Variants in NAT14 observed in about 807,000 individuals in gnomAD.
NAT14 encodes the protein probable N-acetyltransferase 14.
In NAT14, 14 loss-of-function variants were observed where a neutral mutation model predicts 12.1. That is an observed-to-expected ratio of 1.16 (90% confidence interval 0.76 to 1.81). NAT14 has a LOEUF of 1.81. Ranked by LOEUF, NAT14 falls within the 40% of genes most tolerant of loss-of-function variation. The probability of loss-of-function intolerance (pLI) is 0.00; values close to 1 mark genes in which losing one functional copy is unlikely to be tolerated. For missense variants in NAT14, 341 were observed against 304.3 expected, an observed-to-expected ratio of 1.12 and a Z score of -0.90; for synonymous variants, 156 against 145.1, an observed-to-expected ratio of 1.08 and a Z score of -0.54.
In NAT14 at chr19:55,485,994, G is replaced by C. The variant is rs951712712; in HGVS notation, c.72+214G>C. Reference sequence around the variant, plus strand: ...GCCCTACTGGGACCCCAGCACCAACGCCCTCCCTGGTCTCCCATCTCCAGT... The same window carrying C: ...GCCCTACTGGGACCCCAGCACCAACCCCCTCCCTGGTCTCCCATCTCCAGT... On this transcript the variant is annotated intron_variant, in intron 2 of 2. Transcript: ENST00000205194. 2.3e-5 allele frequency: 14 copies of C among 600,370 alleles called. No individual in the cohort carries two copies. The South Asian group carries it at 2.6e-4, about 11-fold the overall frequency. 37.2% of individuals were successfully genotyped at this position (600,370 alleles called of 1,614,324 possible). A position where few individuals can be genotyped will look rare whatever the true frequency, so the allele number is the denominator to read the frequency against.
At position 55,486,431 on chromosome 19, in the gene NAT14, C is replaced by T; in HGVS notation, c.96C>T (p.Asn32=). Residue 32 remains asparagine, a synonymous_variant, in exon 3 of 3, where the codon AAC becomes AAT. Coordinates refer to ENST00000205194, the MANE Select transcript of NAT14 (RefSeq NM_020378.4). ...MLKAGVKDTE[N]RVALHALTRP... is the part of the protein sequence containing the mutation. Reference sequence around the variant, plus strand: ...AGGCCGGCGTGAAGGACACGGAAAACCGCGTGGCCCTCCATGCCTTGACAC... The same window carrying T: ...AGGCCGGCGTGAAGGACACGGAAAATCGCGTGGCCCTCCATGCCTTGACAC... The T allele has an allele frequency of 3.3e-6, 5 of 1,503,678 alleles. No individual in the cohort carries two copies. Among genetic ancestry groups the T allele is most frequent in the Non-Finnish European group, 4.4e-6 (5 of 1,136,738 alleles). 93.1% of individuals were successfully genotyped at this position (1,503,678 alleles called of 1,614,324 possible).
Position 55,486,952 on chromosome 19 carries a change from T to C in NAT14, c.617T>C (p.Leu206Pro), listed in dbSNP as rs745606832. 1.3e-5 allele frequency: 20 copies of C among 1,556,880 alleles called. No homozygotes were observed. The highest frequency in any genetic ancestry group is 2.4e-5 in the East Asian group (1 of 42,156). Residue 206 changes from leucine to proline, a missense_variant, in exon 3 of 3, where the codon CTG becomes CCG. Physicochemically the swap from Leu to Pro is moderately conservative, Grantham distance 98 (BLOSUM62 -3). Transcript: ENST00000205194. ...YTLVREFSKD[L>P] ...CTGGTGAGGGAATTCAGCAAAGACC[T>C]GTGAAGCTACAGACTGACAGCCAGG...
chr19:55,485,347 C>G (rs1242826957), intron 1 of NAT14, 89 bp downstream of exon 1: 1 of 245,788 alleles, frequency 4.1e-6, no homozygotes, highest in Non-Finnish European at 7.9e-6. Context: ...GAGCGTGGTC[C>G]GTTCTCTGGC....
At position 55,487,019 on chromosome 19, in the gene NAT14, A is replaced by G. The variant is rs1986944851; in HGVS notation, c.*63A>G. The G allele has an allele frequency of 2.7e-6, 4 of 1,499,384 alleles. No homozygotes were observed. Among genetic ancestry groups the G allele is most frequent in the Non-Finnish European group, 3.5e-6 (4 of 1,129,936 alleles). The allele number at this position is 1,499,384 out of a possible 1,614,324, so 92.9% of individuals were successfully genotyped here. ...GGGCGCCAGCACCTGATGATCGCCT[A>G]CTGTCTGCGGGTTCTTTTACCTGCT... On this transcript the variant is annotated 3_prime_UTR_variant, in exon 3 of 3. Coordinates refer to ENST00000205194, the MANE Select transcript of NAT14 (RefSeq NM_020378.4).
At position 55,485,813 on chromosome 19, in the gene NAT14, T is replaced by C. The variant is rs146005669; in HGVS notation, c.72+33T>C. 1.0e-3 allele frequency: 1,492 copies of C among 1,467,246 alleles called. 11 individuals are homozygous for C. The African/African-American group carries it at 0.018, about 18-fold the overall frequency. The allele number at this position is 1,467,246 out of a possible 1,614,324, so 90.9% of individuals were successfully genotyped here. A position where few individuals can be genotyped will look rare whatever the true frequency, so the allele number is the denominator to read the frequency against. ...GCAGGGGCCCCAGGGGGCCTGGGAGTGGCTGCAGTGGGGGAATTGCAAGTG... is the reference window on the plus strand; with the variant it reads ...GCAGGGGCCCCAGGGGGCCTGGGAGCGGCTGCAGTGGGGGAATTGCAAGTG... On this transcript the variant is annotated intron_variant, in intron 2 of 2. Transcript: ENST00000205194.
At position 55,487,112 on chromosome 19, in the gene NAT14, C is replaced by A; in HGVS notation, c.*156C>A. On this transcript the variant is annotated 3_prime_UTR_variant, in exon 3 of 3. Coordinates refer to ENST00000205194, the MANE Select transcript of NAT14 (RefSeq NM_020378.4). ...GGCCTGCCGAGGGGAGGAGCCTGGC[C>A]TCTGTCCACCCGTCAGCAGTGTGAA... The A allele has an allele frequency of 8.8e-7, 1 of 1,140,154 alleles. No homozygotes were observed. Among genetic ancestry groups the A allele is most frequent in the Non-Finnish European group, 1.2e-6 (1 of 843,346 alleles). The allele number at this position is 1,140,154 out of a possible 1,614,324, so 70.6% of individuals were successfully genotyped here.
Position 55,485,686 on chromosome 19 carries a change from G to A in NAT14, c.-23G>A, listed in dbSNP as rs897742094. ...GTGCACGACGCCAGCTCCCTTCTGGGGGGCCGGGGCCTGGGGGTTGCCATG... is the reference window on the plus strand; with the variant it reads ...GTGCACGACGCCAGCTCCCTTCTGGAGGGCCGGGGCCTGGGGGTTGCCATG... On this transcript the variant is annotated 5_prime_UTR_variant, in exon 2 of 3. Coordinates refer to ENST00000205194, the MANE Select transcript of NAT14 (RefSeq NM_020378.4). 15 of 1,545,628 alleles carry A rather than the reference G, an allele frequency of 9.7e-6. No individual in the cohort carries two copies. Among genetic ancestry groups the A allele is most frequent in the Non-Finnish European group, 1.3e-5 (15 of 1,141,922 alleles).
chr19:55,485,854 TC>T, intron 2 of NAT14, 74 bp downstream of exon 2: 2 of 1,171,284 alleles, frequency 1.7e-6, no homozygotes, highest in Non-Finnish European at 2.5e-6. Flanking sequence ...AGCCACCCCC[TC>T]CCACCCACCT....
rs762319997 is a variant in NAT14, at chr19:55,486,898, A to AG, written c.569dup (p.Trp191LeufsTer35). ...CTGGAGGGCTGTGGCTACCAGGCCG[A>AG]GGGGGGCTGGGGCTGCCTGGGCTAC... On this transcript the variant is annotated frameshift_variant, in exon 3 of 3. Coordinates refer to ENST00000205194, the MANE Select transcript of NAT14 (RefSeq NM_020378.4). LOFTEE classifies it high-confidence loss of function. 1.7e-5 allele frequency: 25 copies of AG among 1,504,432 alleles called. No homozygotes were observed. The highest frequency in any genetic ancestry group is 2.1e-5 in the Non-Finnish European group (24 of 1,132,900). The allele number at this position is 1,504,432 out of a possible 1,614,324, so 93.2% of individuals were successfully genotyped here.
chr19:55,487,182 T>C lies in NAT14; in HGVS notation c.*226T>C, dbSNP rs1228554803. 13 of 649,538 alleles carry C rather than the reference T, an allele frequency of 2.0e-5. No homozygotes were observed. The Admixed American group carries it at 5.0e-4, about 25-fold the overall frequency. The allele number at this position is 649,538 out of a possible 1,614,324, so 40.2% of individuals were successfully genotyped here. On this transcript the variant is annotated 3_prime_UTR_variant, in exon 3 of 3. Coordinates refer to ENST00000205194, the MANE Select transcript of NAT14 (RefSeq NM_020378.4). Reference sequence around the variant, plus strand: ...CTCAGAGTGGAATGACTCCTTTTCCTTCCTGGCCCTCGGGGGCCTCTCGAG... The same window carrying C: ...CTCAGAGTGGAATGACTCCTTTTCCCTCCTGGCCCTCGGGGGCCTCTCGAG...
At position 55,486,527 on chromosome 19, in the gene NAT14, G is replaced by T; in HGVS notation, c.192G>T (p.Leu64=). The T allele has an allele frequency of 6.3e-7, 1 of 1,588,802 alleles. No individual in the cohort carries two copies. Residue 64 remains leucine (L), a synonymous_variant, in exon 3 of 3, where the codon CTG becomes CTT. Transcript: ENST00000205194. ...GCTTTGTCCTGGCTTCCTTCGCCCT[G>T]GCCCTCCTCCTGCCGGTGTTCCTGG... ...GLRFVLASFA[L]ALLLPVFLAV... is the part of the protein sequence containing the mutation.
At chr19:55,485,996 C>T (rs953339386) in intron 2 of NAT14, 4 of 604,112 alleles carry the variant, frequency 6.6e-6, no homozygotes, top group South Asian at 2.0e-5. Flanking sequence ...GCACCAACGC[C>T]CTCCCTGGTC....
At chr19:55,485,436 G>A (rs554465326) in intron 1 of NAT14, among the ~76,000 whole-genome samples, 178 bp downstream of exon 1, 203 of 152,102 alleles carry the variant, frequency 1.3e-3, no homozygotes, top group African/African-American at 4.8e-3. Flanking sequence ...AGCGCGTTTG[G>A]GAGTGTAGAT....
Position 55,486,485 on chromosome 19 carries a change from G to A in NAT14, c.150G>A (p.Ala50=), listed in dbSNP as rs1187786213. 3 of 1,563,150 alleles carry A rather than the reference G, an allele frequency of 1.9e-6. No homozygotes were observed. The highest frequency in any genetic ancestry group is 2.6e-6 in the Non-Finnish European group (3 of 1,162,610). The change falls in exon 3 of 3, where the codon GCG becomes GCA. Residue 50 remains alanine (A), a synonymous_variant. Transcript: ENST00000205194. The part of the protein sequence containing the change: ...TRPPALLLLA[A]ASSGLRFVLA... ...CGCCGGCCCTGCTCCTCCTGGCGGC[G>A]GCCAGCAGCGGCCTGCGCTTTGTCC...
chr19:55,486,348 C>T (rs1986910980), intron 2 of NAT14, 60 bp from the exon 3 acceptor site: 1 of 1,396,214 alleles, frequency 7.2e-7, no homozygotes, highest in South Asian at 1.6e-5. Flanking sequence ...GGTCTACCTC[C>T]TCTCTTTGTC....
Position 55,486,484 on chromosome 19 carries a change from C to G in NAT14, c.149C>G (p.Ala50Gly). The G allele has an allele frequency of 6.4e-7, 1 of 1,559,982 alleles. No individual in the cohort carries two copies. The highest frequency in any genetic ancestry group is 8.6e-7 in the Non-Finnish European group (1 of 1,161,166). ...CCGCCGGCCCTGCTCCTCCTGGCGG[C>G]GGCCAGCAGCGGCCTGCGCTTTGTC... ...TRPPALLLLAAASSGLRFVLA... is the reference protein window; with the variant it reads ...TRPPALLLLAGASSGLRFVLA... Residue 50 changes from alanine to glycine, a missense_variant, in exon 3 of 3, where the codon GCG becomes GGG. Coordinates refer to ENST00000205194, the MANE Select transcript of NAT14 (RefSeq NM_020378.4).
chr19:55,485,646 TTA>T lies in NAT14; in HGVS notation c.-48-13_-48-12del. 1 of 1,396,708 alleles carries T rather than the reference TTA, an allele frequency of 7.2e-7. No individual in the cohort carries two copies. Among genetic ancestry groups the T allele is most frequent in the Non-Finnish European group, 9.9e-7 (1 of 1,007,610 alleles). 86.5% of individuals were successfully genotyped at this position (1,396,708 alleles called of 1,614,324 possible). On this transcript the variant is annotated splice_polypyrimidine_tract_variant and intron_variant, in intron 1 of 2. Transcript: ENST00000205194. ...AGGTGCCCCCCTGACGCTGACCTAC[TTA>T]TGTTCTCACCAGGTGCACGACGCCA...
rs141887176 is a variant in NAT14 at position 55,486,293 on chromosome 19, C to T, written c.73-115C>T. On this transcript the variant is annotated intron_variant, in intron 2 of 2. Coordinates refer to ENST00000205194, the MANE Select transcript of NAT14 (RefSeq NM_020378.4). Reference sequence around the variant, plus strand: ...GTGCCACACTGAACATCGGACTGTGCTGCCTTCCCTTCCCATTTGGGAGCT... The same window carrying T: ...GTGCCACACTGAACATCGGACTGTGTTGCCTTCCCTTCCCATTTGGGAGCT... 2.0e-3 allele frequency: 2,646 copies of T among 1,341,722 alleles called. 38 individuals are homozygous for T. In the African/African-American group the frequency reaches 0.031, roughly 16 times the overall value. 83.1% of individuals were successfully genotyped at this position (1,341,722 alleles called of 1,614,324 possible). A position where few individuals can be genotyped will look rare whatever the true frequency, so the allele number is the denominator to read the frequency against.
chr19:55,486,275 A>G (rs1189168823), intron 2 of NAT14, 133 bp from the exon 3 acceptor site: 12 of 1,241,272 alleles, frequency 9.7e-6, no homozygotes, highest in Non-Finnish European at 8.5e-6. Context: ...AGTGTGCCAC[A>G]CTGAACATCG....
Sources: gnomAD v4.1 joint callset for allele counts (sites outside exome capture counted in the v4.1 genomes callset) on GRCh38, gnomAD v4.1.1 for gene constraint, MANE v1.5 for transcripts, NCBI Gene and HGNC (gene_info 2026-07-23, HGNC 2026-07-21) for gene names.